Variants in MON1A observed in about 807,000 individuals in gnomAD.
MON1A encodes the protein MON1 vesicular trafficking associated A.
MON1A carries 29 observed loss-of-function variants against 44.6 expected under a neutral mutation model. The ratio of observed to expected loss-of-function variants is 0.65; its 90% CI spans 0.48 to 0.89. The LOEUF is 0.89. Among genes scored for constraint, MON1A ranks in the 40% least tolerant of loss-of-function variants. MON1A has a pLI of 0.00. For missense variants in MON1A, 615 were observed against 759.6 expected (o/e 0.81, Z 2.24); for synonymous variants, 275 against 316.4 (o/e 0.87, Z 1.39).
At chr3:49,919,571 C>A (rs2082978419) in intron 1 of MON1A, among the ~76,000 whole-genome samples, 1 of 152,210 alleles carries the variant, frequency 6.6e-6, no homozygotes, top group Admixed American at 6.5e-5. Flanking sequence ...CCTCTGACTC[C>A]TGGGTTCAAG....
intron 1 of MON1A, among the ~76,000 whole-genome samples, chr3:49,923,041 G>A (rs1373631557): frequency 1.3e-5 from 2 of 151,144 alleles, no homozygotes; most frequent in East Asian, 4.1e-4. Flanking sequence ...CAGTTGTTTG[G>A]TGAAAAACCG....
At position 49,921,319 on chromosome 3, in the gene MON1A, G is replaced by A. The variant is rs563808752; in HGVS notation, c.-13-7960C>T. 7.1e-3 allele frequency among the ~76,000 whole-genome samples: 1,065 copies of A among 150,828 alleles called. 16 individuals carry two copies. Among genetic ancestry groups the A allele is most frequent in the African/African-American group, 0.024 (1,009 of 41,324 alleles). The stretch of plus-strand genomic sequence containing the variant: ...ACTACAGACGCCTGCCACCACACCC[G>A]GCTAATTTTTTGTATTTTTTAGTAG... On this transcript the variant is annotated intron_variant, in intron 1 of 5. Transcript: ENST00000296473.
At position 49,911,779 on chromosome 3, in the gene MON1A, C is replaced by T. The variant is rs1439370250; in HGVS notation, c.360G>A (p.Trp120Ter). The T allele has an allele frequency of 6.2e-7, 1 of 1,613,542 alleles. No individual in the cohort carries two copies. Among genetic ancestry groups the T allele is most frequent in the Non-Finnish European group, 8.5e-7 (1 of 1,179,778 alleles). ...GCCCAACTGCCCCTGGGGGTTCCAG[C>T]CAATCCTCAGAGCTTCCTGGCAGCA... ...EEMLPGSSEDWLEPPGAVGRP... is the reference protein window; with the variant it reads ...EEMLPGSSED Residue 120 changes from tryptophan (W) to a stop codon, truncating the protein, a stop_gained, in exon 3 of 6, where the codon TGG (tryptophan) becomes TGA (stop). Transcript: ENST00000296473. LOFTEE classifies it high-confidence loss of function. The surrounding 1 kb of genome is among the most constrained non-coding windows in gnomAD (Gnocchi z 5.7).
intron 1 of MON1A, among the ~76,000 whole-genome samples, chr3:49,914,056 T>C (rs1475913804): frequency 6.6e-6 from 1 of 151,540 alleles, no homozygotes; most frequent in Non-Finnish European, 1.5e-5. Context: ...CAGTAGCACA[T>C]GCCACAGCCA....
intron 1 of MON1A, among the ~76,000 whole-genome samples, chr3:49,918,702 G>A (rs905736709): frequency 4.0e-5 from 6 of 151,734 alleles, no homozygotes; most frequent in East Asian, 2.0e-4. Flanking sequence ...ATGAGCCACC[G>A]TGCCTGGCCC....
chr3:49,917,898 A>G (rs2082960647), intron 1 of MON1A, among the ~76,000 whole-genome samples: 1 of 151,944 alleles, frequency 6.6e-6, no homozygotes, highest in African/African-American at 2.4e-5. Flanking sequence ...AATACAAAAA[A>G]TTAGCCAGGC....
intron 1 of MON1A, among the ~76,000 whole-genome samples, chr3:49,921,638 CTTTT>C (rs34960189): frequency 7.7e-6 from 1 of 129,786 alleles, no homozygotes. Context: ...CGTGGTAGCA[CTTTT>C]TTTTTTTTTT....
chr3:49,927,250 C>T (rs2083059623), intron 1 of MON1A, among the ~76,000 whole-genome samples: 1 of 152,094 alleles, frequency 6.6e-6, no homozygotes, highest in Admixed American at 6.6e-5. Context: ...ACAATGGCTC[C>T]GAAGTTAGAG....
At position 49,911,190 on chromosome 3, in the gene MON1A, T is replaced by TAGATAGATAGA. The variant is rs1553630648; in HGVS notation, c.614-307_614-306insTCTATCTATCT. ...GCTCAGGACCTGGGAGATAGATAGA[T>TAGATAGATAGA]TAGATAGATAGATAGATAGATAGAT... On this transcript the variant is annotated intron_variant, in intron 3 of 5. Transcript: ENST00000296473. The surrounding 1 kb of genome is among the most constrained non-coding windows in gnomAD (Gnocchi z 5.7). Among the ~76,000 whole-genome samples the TAGATAGATAGA allele has an allele frequency of 3.1e-5, 3 of 95,470 alleles. No homozygotes were observed. Among genetic ancestry groups the TAGATAGATAGA allele is most frequent in the African/African-American group, 1.4e-4 (3 of 21,550 alleles). The allele number at this position is 95,470 out of a possible 152,430, so 62.6% of individuals were successfully genotyped here.
At chr3:49,925,303 C>A (rs886137492) in intron 1 of MON1A, among the ~76,000 whole-genome samples, 1 of 151,958 alleles carries the variant, frequency 6.6e-6, no homozygotes, top group Admixed American at 6.6e-5. Context: ...TTTGTAGAGA[C>A]AGGGTCTCCT....
chr3:49,923,726 C>T (rs1039493472), intron 1 of MON1A, among the ~76,000 whole-genome samples: 9 of 148,592 alleles, frequency 6.1e-5, no homozygotes, highest in African/African-American at 2.2e-4. Context: ...GCTGGGATTA[C>T]AGGTGTGAGC....
chr3:49,913,055 C>G (rs1476453065), intron 2 of MON1A, 165 bp downstream of exon 2: 1 of 894,908 alleles, frequency 1.1e-6, no homozygotes, highest in African/African-American at 1.6e-5. Context: ...AAGCCAGATG[C>G]AGAATGAGCC....
Position 49,913,353 on chromosome 3 carries a change from A to C in MON1A, c.-7T>G, listed in dbSNP as rs748846359. 428 of 1,610,352 alleles carry C rather than the reference A, an allele frequency of 2.7e-4. No homozygotes were observed. Among genetic ancestry groups the C allele is most frequent in the Non-Finnish European group, 3.4e-4 (406 of 1,177,034 alleles). ...TCTGCATGTCAGTAGCCATCCTTTG[A>C]GCTCTCCTGTGGGGCAAACAAATGC... On this transcript the variant is annotated 5_prime_UTR_variant, in exon 2 of 6. Transcript: ENST00000296473.
At chr3:49,928,500 C>T (rs762488501) in intron 1 of MON1A, among the ~76,000 whole-genome samples, 15 of 152,168 alleles carry the variant, frequency 9.9e-5, no homozygotes, top group Non-Finnish European at 1.6e-4. Context: ...CCTGCTATGC[C>T]TGTGAGCAAT....
Position 49,910,382 on chromosome 3 carries a change from G to A in MON1A, c.1116C>T (p.Phe372=), listed in dbSNP as rs2082861280. The A allele has an allele frequency of 1.2e-6, 2 of 1,614,134 alleles. No homozygotes were observed. The highest frequency in any genetic ancestry group is 8.5e-7 in the Non-Finnish European group (1 of 1,180,050). ...GTGCGTGGAAGAAGCCGGCTGCGTT[G>A]AATTTGGGCAGGCACACGGGCGTCC... ...EAWTPVCLPK[F]NAAGFFHAHI... The change falls in exon 4 of 6, where the codon TTC becomes TTT. Residue 372 remains phenylalanine (F), a synonymous_variant. Transcript: ENST00000296473. The surrounding 1 kb of genome is among the most constrained non-coding windows in gnomAD (Gnocchi z 8.0).
intron 1 of MON1A, 39 bp downstream of exon 1, chr3:49,929,570 T>C: frequency 1.3e-6 from 2 of 1,550,466 alleles, no homozygotes; most frequent in Middle Eastern, 1.7e-4. Context: ...CTCCAGTCTC[T>C]AGGTGCCTCC....
chr3:49,909,330 G>T lies in MON1A; in HGVS notation c.1450C>A (p.His484Asn). Residue 484 changes from histidine to asparagine, a missense_variant, in exon 5 of 6, where the codon CAC (histidine) becomes AAC (asparagine). Physicochemically the swap from His to Asn is moderately conservative, Grantham distance 68. Transcript: ENST00000296473. The surrounding 1 kb of genome is among the most constrained non-coding windows in gnomAD (Gnocchi z 4.0). Reference protein sequence around the residue: ...ERLLGLYQYLHSRAHNASRPL... With the variant: ...ERLLGLYQYLNSRAHNASRPL... ...CGAGAGGCATTGTGGGCACGACTGT[G>T]CAAGTACTGGTAGAGGCCCAGCAGC... The T allele has an allele frequency of 2.5e-6, 4 of 1,614,058 alleles. No homozygotes were observed. Among genetic ancestry groups the T allele is most frequent in the Non-Finnish European group, 3.4e-6 (4 of 1,180,016 alleles).
In MON1A at chr3:49,911,440, GC is replaced by G; in HGVS notation, c.613+85del. 6.6e-7 allele frequency: 1 copy of G among 1,510,934 alleles called. No homozygotes were observed. The highest frequency in any genetic ancestry group is 8.8e-7 in the Non-Finnish European group (1 of 1,131,322). 93.6% of individuals were successfully genotyped at this position (1,510,934 alleles called of 1,614,324 possible). On this transcript the variant is annotated intron_variant, in intron 3 of 5. Transcript: ENST00000296473. This position sits in a 1 kb window ranked among gnomAD's most constrained non-coding sequence, Gnocchi z 5.7. ...ACCCTCAGTCACACAGCACATCCCAGCCCTCTGGTCTGCAGGGGTCCAAAAC... is the reference window on the plus strand; with the variant it reads ...ACCCTCAGTCACACAGCACATCCCAGCCTCTGGTCTGCAGGGGTCCAAAAC...
Position 49,911,324 on chromosome 3 carries a change from CT to C in MON1A, c.613+201del, listed in dbSNP as rs1204294004. ...AAGGCAAAGCCCATGTCAGAGGCAA[CT>C]TTGGTCCTCGCCGCAGCCCCATGAG... On this transcript the variant is annotated intron_variant, in intron 3 of 5. Coordinates refer to ENST00000296473, the MANE Select transcript of MON1A (RefSeq NM_032355.4). This position sits in a 1 kb window ranked among gnomAD's most constrained non-coding sequence, Gnocchi z 5.7. Among the ~76,000 whole-genome samples, 33 of 152,280 alleles carry C rather than the reference CT, an allele frequency of 2.2e-4. No homozygotes were observed. Among genetic ancestry groups the C allele is most frequent in the Admixed American group, 1.5e-3 (23 of 15,300 alleles).
Sources: allele counts gnomAD v4.1 joint callset (sites outside exome capture counted in the v4.1 genomes callset), GRCh38; gene constraint gnomAD v4.1.1; non-coding constraint Gnocchi (gnomAD v3.1); transcripts MANE v1.5; gene names NCBI Gene and HGNC (gene_info 2026-07-23, HGNC 2026-07-21).